Variants in PFKP observed in about 807,000 individuals in gnomAD.
PFKP encodes the protein phosphofructokinase, platelet, also known as ATP-dependent 6-phosphofructokinase, platelet type.
PFKP carries 101 observed loss-of-function variants against 94.3 expected under a neutral mutation model. The ratio of observed to expected loss-of-function variants is 1.07; its 90% confidence interval spans 0.91 to 1.26. PFKP has a LOEUF of 1.26. Among genes scored for constraint, PFKP ranks in the 50% most tolerant of loss-of-function variants. The probability of loss-of-function intolerance (pLI) is 0.00; values close to 1 mark genes in which losing one functional copy is unlikely to be tolerated. For missense variants in PFKP, 1,145 were observed against 1,103.3 expected (o/e 1.04, Z -0.53); for synonymous variants, 573 against 432.6 (o/e 1.32, Z -4.03).
chr10:3,083,871 G>C (rs535945541), intron 2 of PFKP, among the ~76,000 whole-genome samples: 3 of 152,154 alleles, frequency 2.0e-5, no homozygotes, highest in Non-Finnish European at 2.9e-5. Context: ...TCGAACTCCT[G>C]ACCTCAGGTG....
chr10:3,117,772 A>G (rs892994751), intron 14 of PFKP, among the ~76,000 whole-genome samples: 2 of 152,152 alleles, frequency 1.3e-5, no homozygotes, highest in African/African-American at 4.8e-5. Flanking sequence ...CAGGTGCTTG[A>G]TAGGGCCAGG....
At chr10:3,095,494 G>T (rs1172526945) in intron 2 of PFKP, among the ~76,000 whole-genome samples, 1 of 152,206 alleles carries the variant, frequency 6.6e-6, no homozygotes, top group Non-Finnish European at 1.5e-5. Context: ...TACAGCCAAC[G>T]AGGAGCTCTA....
rs547805667 is a variant in PFKP, at chr10:3,090,209, C to CTT, written c.186+7752_186+7753dup. On this transcript the variant is annotated intron_variant, in intron 2 of 21. Transcript: ENST00000381125. ...TATTTTTAAGCCATTAGAAAACCTGCTTTTTAAAATCCCAAGTCTTCTGAG... is the reference window on the plus strand; with the variant it reads ...TATTTTTAAGCCATTAGAAAACCTGCTTTTTTTAAAATCCCAAGTCTTCTGAG... Among the ~76,000 whole-genome samples the CTT allele has an allele frequency of 3.3e-5, 5 of 152,322 alleles. No homozygotes were observed. The South Asian group carries it at 1.0e-3, about 32-fold the overall frequency.
chr10:3,115,376 AGCTGAGAACAGGACTGGGGATGCCG>A (rs1836703750), intron 13 of PFKP, among the ~76,000 whole-genome samples: 4 of 53,534 alleles, frequency 7.5e-5, no homozygotes, highest in Admixed American at 6.8e-4. Context: ...TGTGTCCCGC[AGCTGAGAACAGGACTGGGGATGCCG>A]GGGTGAAGGT....
intron 16 of PFKP, among the ~76,000 whole-genome samples, chr10:3,123,350 G>A (rs1486119981): frequency 6.6e-6 from 1 of 152,210 alleles, no homozygotes; most frequent in Non-Finnish European, 1.5e-5. Context: ...GGCTGCGCTT[G>A]GTCTTGAGAA....
At chr10:3,080,534 AAAAAAAG>A (rs1191927473) in intron 1 of PFKP, among the ~76,000 whole-genome samples, 5 of 149,898 alleles carry the variant, frequency 3.3e-5, no homozygotes, top group African/African-American at 1.2e-4. Context: ...AAAAAAAAAA[AAAAAAAG>A]AGAATATTGA....
chr10:3,099,627 C>T (rs1008957783), intron 3 of PFKP, among the ~76,000 whole-genome samples: 3 of 152,218 alleles, frequency 2.0e-5, no homozygotes, highest in African/African-American at 7.2e-5. Context: ...GGTCCAGGCT[C>T]TCTCTGCATT....
At chr10:3,131,094 CAT>C (rs553028112) in intron 17 of PFKP, among the ~76,000 whole-genome samples, 3 of 152,020 alleles carry the variant, frequency 2.0e-5, no homozygotes, top group Admixed American at 1.3e-4. Context: ...TATCTTTTTA[CAT>C]ATATTTTTAT....
Position 3,093,844 on chromosome 10 carries a change from C to T in PFKP, c.187-5431C>T, listed in dbSNP as rs192486389. 1.4e-3 allele frequency among the ~76,000 whole-genome samples: 214 copies of T among 152,124 alleles called. 2 individuals are homozygous for T. The highest frequency in any genetic ancestry group is 0.013 in the East Asian group (65 of 5,164). ...ATTTTTAGTAGAGGTGGGGTTTCAC[C>T]GTGTTAGCCAGGATGGTCTCCATCT... is the stretch of plus-strand genomic sequence containing the variant. On this transcript the variant is annotated intron_variant, in intron 2 of 21. Transcript: ENST00000381125.
intron 16 of PFKP, chr10:3,125,038 C>T (rs1837796791): frequency 8.7e-7 from 1 of 1,154,844 alleles, no homozygotes; most frequent in Non-Finnish European, 1.1e-6. Flanking sequence ...AGCACAGGCC[C>T]TGGGGCTGGC....
chr10:3,072,021 G>A (rs1187358748), intron 1 of PFKP, among the ~76,000 whole-genome samples: 3 of 152,206 alleles, frequency 2.0e-5, no homozygotes, highest in African/African-American at 4.8e-5. Context: ...CTTCACTGGT[G>A]TCTTTCCCGC....
At chr10:3,133,721 G>A (rs987364072) in intron 19 of PFKP, among the ~76,000 whole-genome samples, 5 of 152,182 alleles carry the variant, frequency 3.3e-5, no homozygotes, top group Non-Finnish European at 7.3e-5. Context: ...CTGAGCCACT[G>A]TGCCCAGCCA....
At chr10:3,136,081 T>C (rs1379991415) in intron 21 of PFKP, among the ~76,000 whole-genome samples, 1 of 152,150 alleles carries the variant, frequency 6.6e-6, no homozygotes, top group African/African-American at 2.4e-5. Context: ...CTGGCTCATA[T>C]GGTGAAACCC....
chr10:3,101,333 A>C (rs1418983309), intron 3 of PFKP, 32 bp from the exon 4 acceptor site: 15 of 1,545,744 alleles, frequency 9.7e-6, no homozygotes, highest in Non-Finnish European at 1.3e-5. Context: ...TCTCAGACTG[A>C]GAGGAGATAA....
chr10:3,112,370 G>A, intron 11 of PFKP, 84 bp downstream of exon 11: 2 of 1,002,892 alleles, frequency 2.0e-6, no homozygotes, highest in Non-Finnish European at 3.2e-6. Flanking sequence ...TAGGGGTTGT[G>A]CTTATTCCAT....
chr10:3,112,106 G>A, intron 10 of PFKP, 116 bp from the exon 11 acceptor site: 2 of 823,150 alleles, frequency 2.4e-6, no homozygotes, highest in Non-Finnish European at 4.2e-6. Context: ...GCTGCTGGCT[G>A]CCCGGGTCAG....
intron 1 of PFKP, among the ~76,000 whole-genome samples, chr10:3,070,934 G>C (rs529199121): frequency 4.1e-5 from 6 of 145,470 alleles, no homozygotes; most frequent in African/African-American, 1.5e-4. Context: ...TTTTTGTAGA[G>C]ACAGGATCTC....
intron 16 of PFKP, among the ~76,000 whole-genome samples, chr10:3,124,050 C>T (rs1416120876): frequency 2.6e-5 from 4 of 151,322 alleles, no homozygotes; most frequent in Admixed American, 2.6e-4. Context: ...TCACCTGCCA[C>T]GGGTCTACAC....
At chr10:3,092,542 TG>T (rs1306681434) in intron 2 of PFKP, among the ~76,000 whole-genome samples, 2 of 152,162 alleles carry the variant, frequency 1.3e-5, no homozygotes, top group Non-Finnish European at 2.9e-5. Context: ...GGAAATGTTC[TG>T]AATGGGTTGA....
Sources: gnomAD v4.1 joint callset for allele counts (sites outside exome capture counted in the v4.1 genomes callset) on GRCh38, gnomAD v4.1.1 for gene constraint, MANE v1.5 for transcripts, NCBI Gene and HGNC (gene_info 2026-07-23, HGNC 2026-07-21) for gene names.